Variants in FHIT observed in about 807,000 individuals in gnomAD.
The protein encoded by FHIT is bis(5'-adenosyl)-triphosphatase.
FHIT carries 19 observed loss-of-function variants against 17.9 expected under a neutral mutation model. The observed-to-expected ratio is 1.06, with a 90% CI of 0.74 to 1.56. The LOEUF (loss-of-function observed/expected upper bound fraction) is 1.56. Ranked by LOEUF, FHIT falls within the 40% of genes most tolerant of loss-of-function variation. FHIT has a pLI of 0.00. For synonymous variants in FHIT, 81 were observed against 69.7 expected (o/e 1.16, Z -0.81); for missense variants, 248 against 189.2 (o/e 1.31, Z -1.82).
intron 4 of FHIT, chr3:60,732,339 A>T: frequency 1.1e-6 from 1 of 906,284 alleles, no homozygotes. Flanking sequence ...AGCATTTGCC[A>T]TGGGCAAGAT....
chr3:60,828,479 G>C (rs1295129485), intron 3 of FHIT, among the ~76,000 whole-genome samples: 1 of 152,216 alleles, frequency 6.6e-6, no homozygotes, highest in Non-Finnish European at 1.5e-5. Context: ...CTAGGGGCTA[G>C]GGTACATAGG....
At chr3:59,868,500 T>C (rs765245346) in intron 8 of FHIT, among the ~76,000 whole-genome samples, 5 of 152,228 alleles carry the variant, frequency 3.3e-5, no homozygotes, top group Non-Finnish European at 7.3e-5. Flanking sequence ...AATCACACCA[T>C]CCTGCTATCA....
At chr3:60,511,329 T>C (rs1301397513) in intron 5 of FHIT, among the ~76,000 whole-genome samples, 1 of 152,154 alleles carries the variant, frequency 6.6e-6, no homozygotes, top group Non-Finnish European at 1.5e-5. Flanking sequence ...TATACAGAAA[T>C]GGTCGACACC....
chr3:60,208,585 A>T (rs1346815325), intron 5 of FHIT, among the ~76,000 whole-genome samples: 1 of 152,194 alleles, frequency 6.6e-6, no homozygotes, highest in African/African-American at 2.4e-5. Flanking sequence ...GTTAGGAACC[A>T]ACTCATTCTT....
At chr3:60,917,742 T>C (rs553348703) in intron 3 of FHIT, among the ~76,000 whole-genome samples, 1 of 152,362 alleles carries the variant, frequency 6.6e-6, no homozygotes, top group Non-Finnish European at 1.5e-5. Flanking sequence ...CAAAACTCTT[T>C]ATCAAATGCA....
chr3:60,330,812 G>A (rs372389245), intron 5 of FHIT, among the ~76,000 whole-genome samples: 40 of 152,274 alleles, frequency 2.6e-4, no homozygotes, highest in African/African-American at 9.1e-4. Context: ...GTCACCTAAT[G>A]CCAGGAGCAG....
intron 5 of FHIT, among the ~76,000 whole-genome samples, chr3:60,279,339 G>T (rs1707316595): frequency 6.6e-6 from 1 of 152,014 alleles, no homozygotes; most frequent in Non-Finnish European, 1.5e-5. Flanking sequence ...CTCACAAAAA[G>T]AGAAATAGAT....
intron 8 of FHIT, among the ~76,000 whole-genome samples, chr3:59,792,229 G>A (rs1575502000): frequency 1.3e-5 from 2 of 152,252 alleles, no homozygotes. Context: ...ATATTAAACC[G>A]TCTCCATTTC....
rs1430847165 is a variant in FHIT at position 60,498,280 on chromosome 3, G to A, written c.103+38580C>T. On this transcript the variant is annotated intron_variant, in intron 5 of 9. Transcript: ENST00000492590. ...GTAAAAATTTTGTACTACCAAAAAT[G>A]AATTTATATAAATGAAACAATTCAA... Among the ~76,000 whole-genome samples the A allele has an allele frequency of 2.6e-5, 4 of 152,182 alleles. No homozygotes were observed. In the East Asian group the frequency reaches 7.7e-4, roughly 29 times the overall value.
intron 7 of FHIT, among the ~76,000 whole-genome samples, chr3:60,008,103 G>A (rs984321556): frequency 3.9e-5 from 6 of 152,258 alleles, no homozygotes; most frequent in African/African-American, 1.2e-4. Flanking sequence ...CAGAGGTACA[G>A]GTGCATAGCC....
At chr3:61,231,628 C>A (rs2040104610) in intron 1 of FHIT, among the ~76,000 whole-genome samples, 1 of 152,122 alleles carries the variant, frequency 6.6e-6, no homozygotes, top group Non-Finnish European at 1.5e-5. Context: ...TTACTATGAA[C>A]CATTTGTTTG....
chr3:59,835,587 C>G (rs908788139), intron 8 of FHIT, among the ~76,000 whole-genome samples: 1 of 152,056 alleles, frequency 6.6e-6, no homozygotes, highest in African/African-American at 2.4e-5. Flanking sequence ...AAGACTGGGT[C>G]CTGACCTACC....
At chr3:59,965,311 C>G (rs1480570342) in intron 7 of FHIT, among the ~76,000 whole-genome samples, 1 of 152,070 alleles carries the variant, frequency 6.6e-6, no homozygotes, top group Non-Finnish European at 1.5e-5. Flanking sequence ...GGAGATATAT[C>G]TGATTTAAAC....
At chr3:60,461,740 C>A (rs1378393291) in intron 5 of FHIT, among the ~76,000 whole-genome samples, 1 of 152,178 alleles carries the variant, frequency 6.6e-6, no homozygotes, top group South Asian at 2.1e-4. Flanking sequence ...AGCAGACCAT[C>A]ATTATTTAGG....
chr3:59,986,540 T>TATATATATATATATATACACACACACAC (rs1473518719), intron 7 of FHIT, among the ~76,000 whole-genome samples: 1 of 12,444 alleles, frequency 8.0e-5, no homozygotes, highest in African/African-American at 3.5e-4. Flanking sequence ...TATATATATA[T>TATATATATATATATATACACACACACAC]ACACACACAC....
intron 1 of FHIT, among the ~76,000 whole-genome samples, chr3:61,207,850 C>G (rs1393577268): frequency 2.6e-5 from 4 of 152,050 alleles, no homozygotes; most frequent in Non-Finnish European, 5.9e-5. Context: ...TTATTTCTTG[C>G]CTTCTGCTAG....
intron 5 of FHIT, among the ~76,000 whole-genome samples, chr3:60,401,413 A>T (rs1239654032): frequency 2.6e-5 from 4 of 152,122 alleles, no homozygotes; most frequent in Admixed American, 6.6e-5. Context: ...AGGTTCGGCC[A>T]GTGAGAATTA....
At chr3:59,838,640 T>C (rs1701421658) in intron 8 of FHIT, among the ~76,000 whole-genome samples, 1 of 152,154 alleles carries the variant, frequency 6.6e-6, no homozygotes, top group African/African-American at 2.4e-5. Flanking sequence ...ATATGCCAGC[T>C]CCAAAATGAG....
At chr3:60,662,337 A>T (rs1553691354) in intron 4 of FHIT, among the ~76,000 whole-genome samples, 6 of 152,014 alleles carry the variant, frequency 3.9e-5, no homozygotes, top group Non-Finnish European at 1.5e-5. Flanking sequence ...TTTGTTGACG[A>T]TTGGTTGGCT....
Sources: allele counts gnomAD v4.1 joint callset (sites outside exome capture counted in the v4.1 genomes callset), GRCh38; gene constraint gnomAD v4.1.1; transcripts MANE v1.5; gene names NCBI Gene and HGNC (gene_info 2026-07-23, HGNC 2026-07-21).